DLGAP2: variants seen among roughly 807,000 people sequenced by gnomAD.
The protein encoded by DLGAP2 is disks large-associated protein 2.
In DLGAP2, 26 loss-of-function variants were observed where a neutral mutation model predicts 100.3. The observed-to-expected ratio is 0.26, with a 90% CI of 0.19 to 0.36. The LOEUF (loss-of-function observed/expected upper bound fraction) is 0.36. Among genes scored for constraint, DLGAP2 ranks in the 10% least tolerant of loss-of-function variants. The pLI is 1.00. For synonymous variants in DLGAP2, 886 were observed against 630.1 expected, an observed-to-expected ratio of 1.41 and a Z score of -6.08; for missense variants, 1,858 against 1,453.2, an observed-to-expected ratio of 1.28 and a Z score of -4.53.
intron 1 of DLGAP2, among the ~76,000 whole-genome samples, chr8:867,599 G>A (rs1454236139): frequency 6.6e-6 from 1 of 152,224 alleles, no homozygotes; most frequent in African/African-American, 2.4e-5. Flanking sequence ...ACACATCTGA[G>A]AAGGCTGTGG....
intron 1 of DLGAP2, among the ~76,000 whole-genome samples, chr8:784,889 T>C (rs1821795091): frequency 6.6e-6 from 1 of 152,140 alleles, no homozygotes; most frequent in Non-Finnish European, 1.5e-5. Context: ...AGAAGAAAGT[T>C]TCTTATTTTA....
chr8:1,463,230 C>A (rs891279716), intron 3 of DLGAP2, among the ~76,000 whole-genome samples: 1 of 152,184 alleles, frequency 6.6e-6, no homozygotes, highest in African/African-American at 2.4e-5. Context: ...GCCTGGGTGA[C>A]AGGGCAAGAA....
intron 2 of DLGAP2, among the ~76,000 whole-genome samples, chr8:1,178,222 C>G (rs1797303783): frequency 6.6e-6 from 1 of 152,170 alleles, no homozygotes. Flanking sequence ...AGGTAATGTC[C>G]CAGAGATGAT....
At chr8:1,340,944 G>C (rs1445562040) in intron 3 of DLGAP2, among the ~76,000 whole-genome samples, 2 of 152,188 alleles carry the variant, frequency 1.3e-5, no homozygotes, top group African/African-American at 4.8e-5. Flanking sequence ...GATATGGATG[G>C]AGCTGGAGGC....
chr8:778,628 G>T (rs1821596328), intron 1 of DLGAP2, among the ~76,000 whole-genome samples: 1 of 152,300 alleles, frequency 6.6e-6, no homozygotes, highest in Non-Finnish European at 1.5e-5. Flanking sequence ...CCCCTGTTGG[G>T]GGGTGCCTCC....
chr8:1,374,871 A>G (rs1345764091), intron 3 of DLGAP2, among the ~76,000 whole-genome samples: 1 of 152,140 alleles, frequency 6.6e-6, no homozygotes, highest in Non-Finnish European at 1.5e-5. Context: ...ACGGCCTGGC[A>G]CTTCGTCTTC....
intron 3 of DLGAP2, among the ~76,000 whole-genome samples, chr8:1,473,247 G>A (rs1425687048): frequency 2.0e-5 from 3 of 152,066 alleles, no homozygotes; most frequent in South Asian, 2.1e-4. Flanking sequence ...TGATTATATC[G>A]GCTTTATTCA....
chr8:1,324,132 A>G (rs2117044590), intron 3 of DLGAP2, among the ~76,000 whole-genome samples: 1 of 152,266 alleles, frequency 6.6e-6, no homozygotes, highest in Non-Finnish European at 1.5e-5. Flanking sequence ...GGGGAGGAAG[A>G]CGACCCCCAA....
Position 1,644,307 on chromosome 8 carries a change from C to T in DLGAP2, c.1810+11261C>T, listed in dbSNP as rs1227647421. ...CCTCGTCTCGGCTCTGTGCAAGAGC[C>T]AGAGGAGTGAAGACTGCCGTCCTCT... is the stretch of plus-strand genomic sequence containing the variant. On this transcript the variant is annotated intron_variant, in intron 8 of 14. Coordinates refer to ENST00000637795, the MANE Select transcript of DLGAP2 (RefSeq NM_001346810.2). Among the ~76,000 whole-genome samples, 5 of 152,230 alleles carry T rather than the reference C, an allele frequency of 3.3e-5. No homozygotes were observed. The East Asian group carries it at 9.6e-4, about 29-fold the overall frequency.
chr8:1,280,705 G>T (rs544823302), intron 3 of DLGAP2, among the ~76,000 whole-genome samples: 1 of 152,178 alleles, frequency 6.6e-6, no homozygotes, highest in African/African-American at 2.4e-5. Flanking sequence ...GGAGAGCTTG[G>T]TGCCACCTTC....
chr8:1,133,344 A>G (rs1436136557), intron 2 of DLGAP2, among the ~76,000 whole-genome samples: 2 of 152,224 alleles, frequency 1.3e-5, no homozygotes, highest in Non-Finnish European at 1.5e-5. Flanking sequence ...GAAAATCATC[A>G]AAAATAAATT....
chr8:836,717 G>T (rs1326547298), intron 1 of DLGAP2, among the ~76,000 whole-genome samples: 1 of 152,212 alleles, frequency 6.6e-6, no homozygotes, highest in Admixed American at 6.5e-5. Context: ...CCCTGCTGGG[G>T]CCAGGGCCGC....
At chr8:1,482,446 T>A (rs2130250270) in intron 3 of DLGAP2, among the ~76,000 whole-genome samples, 1 of 152,372 alleles carries the variant, frequency 6.6e-6, no homozygotes, top group Non-Finnish European at 1.5e-5. Context: ...TTTTAAAGAA[T>A]GTATTAAAAA....
chr8:1,574,995 C>T (rs1001022612), intron 6 of DLGAP2, among the ~76,000 whole-genome samples: 2 of 152,302 alleles, frequency 1.3e-5, no homozygotes, highest in African/African-American at 4.8e-5. Context: ...CACACGTGTG[C>T]ACACACTCAC....
chr8:936,206 C>T (rs891104636), intron 2 of DLGAP2, among the ~76,000 whole-genome samples: 10 of 152,052 alleles, frequency 6.6e-5, no homozygotes, highest in African/African-American at 1.2e-4. Context: ...CTGTGTGGCC[C>T]GGTCAGCAGA....
At chr8:757,110 C>G (rs1364511798) in intron 1 of DLGAP2, among the ~76,000 whole-genome samples, 1 of 152,304 alleles carries the variant, frequency 6.6e-6, no homozygotes, top group East Asian at 1.9e-4. Flanking sequence ...CGTCATCAAC[C>G]CCCACCTCGT....
chr8:1,330,099 C>G (rs552073116), intron 3 of DLGAP2, among the ~76,000 whole-genome samples: 1 of 152,312 alleles, frequency 6.6e-6, no homozygotes, highest in African/African-American at 2.4e-5. Context: ...GTCGAGGTTT[C>G]TTTGTATCTT....
intron 2 of DLGAP2, among the ~76,000 whole-genome samples, chr8:919,468 C>T (rs952221094): frequency 1.3e-5 from 2 of 152,044 alleles, no homozygotes; most frequent in Non-Finnish European, 2.9e-5. Context: ...TGAGCTCCCC[C>T]ACTGCTGATG....
chr8:1,314,212 G>A lies in DLGAP2; in HGVS notation c.106+55329G>A, dbSNP rs536538948. 7.7e-4 allele frequency among the ~76,000 whole-genome samples: 118 copies of A among 152,274 alleles called. 1 individual carries two copies. Among genetic ancestry groups the A allele is most frequent in the African/African-American group, 2.5e-3 (104 of 41,546 alleles). ...CTTTAGATTTCATAGCAGCACAGAC[G>A]TTTCAGTTATCCGTTTTAATTGAGT... On this transcript the variant is annotated intron_variant, in intron 3 of 14. Transcript: ENST00000637795.
Sources: allele counts gnomAD v4.1 joint callset (sites outside exome capture counted in the v4.1 genomes callset), GRCh38; gene constraint gnomAD v4.1.1; transcripts MANE v1.5; gene names NCBI Gene and HGNC (gene_info 2026-07-23, HGNC 2026-07-21).